AGAP1: variants seen among roughly 807,000 people sequenced by gnomAD.
AGAP1 encodes arf-GAP with GTPase, ANK repeat and PH domain-containing protein 1.
Under a neutral mutation model 105.3 loss-of-function variants are expected in AGAP1, and 29 were observed. That is an observed-to-expected ratio of 0.28 (90% CI 0.21 to 0.38). AGAP1 has a LOEUF of 0.38. Ranked by LOEUF, AGAP1 falls within the 10% of genes least tolerant of loss-of-function variation. The pLI, the probability that AGAP1 is intolerant of heterozygous loss-of-function variation, is 1.00. For synonymous variants in AGAP1, 509 were observed against 485.9 expected, an observed-to-expected ratio of 1.05 and a Z score of -0.63; for missense variants, 998 against 1,165.1, an observed-to-expected ratio of 0.86 and a Z score of 2.09.
At chr2:235,746,492 T>G (rs1952964239) in intron 5 of AGAP1, among the ~76,000 whole-genome samples, 1 of 146,074 alleles carries the variant, frequency 6.8e-6, no homozygotes, top group Non-Finnish European at 1.5e-5. Context: ...GGAGGAGGGA[T>G]TCTTAGGCCT....
In AGAP1 at chr2:235,601,179, G is replaced by C. The variant is rs768021009; in HGVS notation, c.163+106330G>C. ...CAGAAGTGTATTTGCTCAGTTTGTA[G>C]AAGTTGAAAGTCCAAGGTCAAGGTG... On this transcript the variant is annotated intron_variant, in intron 1 of 17. Transcript: ENST00000304032. This position sits in a 1 kb window ranked among gnomAD's most constrained non-coding sequence, Gnocchi z 4.4. Among the ~76,000 whole-genome samples, 11 of 152,194 alleles carry C rather than the reference G, an allele frequency of 7.2e-5. No individual in the cohort carries two copies. The highest frequency in any genetic ancestry group is 1.3e-4 in the Non-Finnish European group (9 of 68,046).
rs1455360093 is a variant in AGAP1 at position 235,971,748 on chromosome 2, TA to T, written c.1645+3126del. On this transcript the variant is annotated intron_variant, in intron 13 of 17. Coordinates refer to ENST00000304032, the MANE Select transcript of AGAP1 (RefSeq NM_001037131.3). The surrounding 1 kb of genome is among the most constrained non-coding windows in gnomAD (Gnocchi z 4.8). ...CTAGTTATATATGTTTTATTTTATT[TA>T]TTTATTTATTTATTTATTTATTTAT... Among the ~76,000 whole-genome samples, 896 of 110,892 alleles carry T rather than the reference TA, an allele frequency of 8.1e-3. 10 individuals carry two copies. Among genetic ancestry groups the T allele is most frequent in the African/African-American group, 0.025 (849 of 34,072 alleles). 72.7% of individuals were successfully genotyped at this position (110,892 alleles called of 152,430 possible). A position where few individuals can be genotyped will look rare whatever the true frequency, so the allele number is the denominator to read the frequency against.
In AGAP1 at chr2:235,621,298, A is replaced by T. The variant is rs1376791945; in HGVS notation, c.164-87881A>T. 6.6e-6 allele frequency among the ~76,000 whole-genome samples: 1 copy of T among 152,196 alleles called. No homozygotes were observed. The highest frequency in any genetic ancestry group is 2.4e-5 in the African/African-American group (1 of 41,450). On this transcript the variant is annotated intron_variant, in intron 1 of 17. Coordinates refer to ENST00000304032, the MANE Select transcript of AGAP1 (RefSeq NM_001037131.3). This position sits in a 1 kb window ranked among gnomAD's most constrained non-coding sequence, Gnocchi z 4.1. ...CGGCCTCCCAAAGTGCTAGGATTAC[A>T]GGTGTGAGCCACCACGCCCAGCCGA...
chr2:235,849,020 T>C (rs1961843302), intron 9 of AGAP1, among the ~76,000 whole-genome samples: 1 of 152,222 alleles, frequency 6.6e-6, no homozygotes, highest in Admixed American at 6.5e-5. Flanking sequence ...ACTTTGTTCC[T>C]TGGCACTATG....
chr2:235,894,573 G>A (rs2050705867), intron 10 of AGAP1, among the ~76,000 whole-genome samples: 1 of 151,880 alleles, frequency 6.6e-6, no homozygotes, highest in Non-Finnish European at 1.5e-5. Context: ...CACATGCATA[G>A]GACCATACAT....
rs1403991106 is a variant in AGAP1, at chr2:236,000,050, C to T, written c.1645+31427C>T. 6.6e-6 allele frequency among the ~76,000 whole-genome samples: 1 copy of T among 152,122 alleles called. No individual in the cohort carries two copies. The highest frequency in any genetic ancestry group is 1.5e-5 in the Non-Finnish European group (1 of 68,034). On this transcript the variant is annotated intron_variant, in intron 13 of 17. Transcript: ENST00000304032. The surrounding 1 kb of genome is among the most constrained non-coding windows in gnomAD (Gnocchi z 4.3). ...GCCAGCTTCTAGACCAGTGTCCTCA[C>T]GTGCAGGCGTCCTCGAAGGTTTGTT...
At chr2:235,827,155 T>C (rs939220388) in intron 9 of AGAP1, among the ~76,000 whole-genome samples, 1 of 152,234 alleles carries the variant, frequency 6.6e-6, no homozygotes, top group Non-Finnish European at 1.5e-5. Context: ...ACGTCTTATT[T>C]TAAAAATATG....
Position 235,578,890 on chromosome 2 carries a change from A to G in AGAP1, c.163+84041A>G, listed in dbSNP as rs1311081257. Reference sequence around the variant, plus strand: ...GAGGGTCAAAATTTTACCTTTGTCTACCTATCTGCCTGTCCCTCTAGCTGT... The same window carrying G: ...GAGGGTCAAAATTTTACCTTTGTCTGCCTATCTGCCTGTCCCTCTAGCTGT... On this transcript the variant is annotated intron_variant, in intron 1 of 17. Transcript: ENST00000304032. This position sits in a 1 kb window ranked among gnomAD's most constrained non-coding sequence, Gnocchi z 4.9. Among the ~76,000 whole-genome samples, 1 of 151,858 alleles carries G rather than the reference A, an allele frequency of 6.6e-6. No homozygotes were observed. Among genetic ancestry groups the G allele is most frequent in the African/African-American group, 2.4e-5 (1 of 41,300 alleles).
chr2:235,606,945 GAAAAAA>G lies in AGAP1; in HGVS notation c.164-102216_164-102211del, dbSNP rs5839603. Among the ~76,000 whole-genome samples the G allele has an allele frequency of 1.0e-3, 65 of 61,944 alleles. 1 individual carries two copies. Among genetic ancestry groups the G allele is most frequent in the South Asian group, 2.1e-3 (3 of 1,428 alleles). 40.6% of individuals were successfully genotyped at this position (61,944 alleles called of 152,430 possible). ...ACAGAGCAAAGCAAGACTGCCTCTTGAAAAAAAAAAAAAAAAAAAAAAAGCACTGCT... is the reference window on the plus strand; with the variant it reads ...ACAGAGCAAAGCAAGACTGCCTCTTGAAAAAAAAAAAAAAAAAGCACTGCT... On this transcript the variant is annotated intron_variant, in intron 1 of 17. Transcript: ENST00000304032.
rs58777654 is a variant in AGAP1, at chr2:235,900,394, C to T, written c.1156-8344C>T. Among the ~76,000 whole-genome samples the T allele has an allele frequency of 0.017, 2,539 of 151,760 alleles. 57 individuals are homozygous for T. Among genetic ancestry groups the T allele is most frequent in the African/African-American group, 0.059 (2,425 of 41,348 alleles). ...GTTTAATGGAATTGTTGTTGTGTCT[C>T]GGTGGCAGCATTTCTCCCTCTGGAA... On this transcript the variant is annotated intron_variant, in intron 10 of 17. Coordinates refer to ENST00000304032, the MANE Select transcript of AGAP1 (RefSeq NM_001037131.3). The surrounding 1 kb of genome is among the most constrained non-coding windows in gnomAD (Gnocchi z 5.5).
chr2:235,735,195 G>A lies in AGAP1; in HGVS notation c.311-5768G>A, dbSNP rs548354800. 9.2e-5 allele frequency among the ~76,000 whole-genome samples: 14 copies of A among 152,334 alleles called. 1 individual carries two copies. In the South Asian group the frequency reaches 2.9e-3, roughly 32 times the overall value. On this transcript the variant is annotated intron_variant, in intron 3 of 17. Coordinates refer to ENST00000304032, the MANE Select transcript of AGAP1 (RefSeq NM_001037131.3). ...AAGGCACACTGTCGTTGCCATAGCT[G>A]TCGCTTGGAGGACTGTTAATGATAC...
chr2:235,860,278 T>C (rs528486437), intron 9 of AGAP1, among the ~76,000 whole-genome samples: 270 of 152,340 alleles, frequency 1.8e-3, no homozygotes, highest in African/African-American at 6.2e-3. Flanking sequence ...ATAATAATGC[T>C]GAGCTCTGCT....
At chr2:235,831,136 A>C (rs1959315322) in intron 9 of AGAP1, among the ~76,000 whole-genome samples, 1 of 151,450 alleles carries the variant, frequency 6.6e-6, no homozygotes, top group African/African-American at 2.4e-5. Context: ...AGGGAATCAC[A>C]TTCGAGACTT....
intron 6 of AGAP1, among the ~76,000 whole-genome samples, chr2:235,779,913 C>G (rs903467749): frequency 6.6e-6 from 1 of 152,182 alleles, no homozygotes; most frequent in Admixed American, 6.5e-5. Context: ...CCTCACCACT[C>G]GTGCTTGGAA....
At chr2:235,530,888 C>T (rs1943021452) in intron 1 of AGAP1, among the ~76,000 whole-genome samples, 1 of 152,166 alleles carries the variant, frequency 6.6e-6, no homozygotes, top group South Asian at 2.1e-4. Context: ...CTCTGTGTTT[C>T]TCCTGAGGGC....
chr2:235,760,174 A>T lies in AGAP1; in HGVS notation c.673+9686A>T, dbSNP rs999422749. On this transcript the variant is annotated intron_variant, in intron 6 of 17. Coordinates refer to ENST00000304032, the MANE Select transcript of AGAP1 (RefSeq NM_001037131.3). ...GGCAGGCGAATTACCTGAGGTCAAG[A>T]GTTTGAGACCAGCCTGGCCAACATG... Among the ~76,000 whole-genome samples the T allele has an allele frequency of 3.3e-4, 50 of 152,302 alleles. 1 individual carries two copies. The highest frequency in any genetic ancestry group is 1.2e-3 in the African/African-American group (48 of 41,566).
In AGAP1 at chr2:235,566,666, GGACCGGGGAGAGGCT is replaced by G. The variant is rs1944356187; in HGVS notation, c.163+71819_163+71833del. The G allele has an allele frequency of 2.2e-6, 2 of 925,310 alleles. No homozygotes were observed. The highest frequency in any genetic ancestry group is 3.6e-5 in the African/African-American group (2 of 55,966). 57.3% of individuals were successfully genotyped at this position (925,310 alleles called of 1,614,324 possible). Reference sequence around the variant, plus strand: ...CTTCCTCATGCCGCAGGACCAGCCGGGACCGGGGAGAGGCTGTTCGAGGAACACAGGATGCATATT... The same window carrying G: ...CTTCCTCATGCCGCAGGACCAGCCGGGTTCGAGGAACACAGGATGCATATT... On this transcript the variant is annotated intron_variant, in intron 1 of 17. Transcript: ENST00000304032. The surrounding 1 kb of genome is among the most constrained non-coding windows in gnomAD (Gnocchi z 5.2).
rs536129484 is a variant in AGAP1 at position 235,662,194 on chromosome 2, C to T, written c.164-46985C>T. On this transcript the variant is annotated intron_variant, in intron 1 of 17. Transcript: ENST00000304032. The surrounding 1 kb of genome is among the most constrained non-coding windows in gnomAD (Gnocchi z 4.2). ...AAGGCCGTGACCAGGAAAAAAGGGA[C>T]CCAGGGTGGTGGCACATGAATCCCA... Among the ~76,000 whole-genome samples, 9 of 152,294 alleles carry T rather than the reference C, an allele frequency of 5.9e-5. No homozygotes were observed. The highest frequency in any genetic ancestry group is 2.2e-4 in the African/African-American group (9 of 41,576).
intron 3 of AGAP1, among the ~76,000 whole-genome samples, chr2:235,730,114 A>T (rs1951860475): frequency 6.6e-6 from 1 of 152,154 alleles, no homozygotes; most frequent in Admixed American, 6.5e-5. Context: ...CAAACAGCTC[A>T]TAAGCCCGTA....
Sources: gnomAD v4.1 joint callset for allele counts (sites outside exome capture counted in the v4.1 genomes callset) on GRCh38, gnomAD v4.1.1 for gene constraint, Gnocchi (gnomAD v3.1) non-coding constraint, MANE v1.5 for transcripts, NCBI Gene and HGNC (gene_info 2026-07-23, HGNC 2026-07-21) for gene names.